The following UBE3A variants were observed in gnomAD, a reference collection of about 807,000 sequenced individuals.
UBE3A encodes ubiquitin protein ligase E3A.
Under a neutral mutation model 83.4 loss-of-function variants are expected in UBE3A, and 6 were observed. The observed-to-expected ratio is 0.07, with a 90% CI of 0.04 to 0.14. UBE3A has a LOEUF of 0.14. Ranked by LOEUF, UBE3A falls within the 10% of genes least tolerant of loss-of-function variation. UBE3A has a pLI of 1.00. For missense variants in UBE3A, 456 were observed against 1,036.1 expected (o/e 0.44, Z 7.69); for synonymous variants, 337 against 355.4 (o/e 0.95, Z 0.58).
At chr15:25,364,123 G>A (rs2078626715) in intron 6 of UBE3A, among the ~76,000 whole-genome samples, 1 of 151,908 alleles carries the variant, frequency 6.6e-6, no homozygotes. Flanking sequence ...CTACTTGGGA[G>A]GCTGAGGTGG....
chr15:25,402,044 C>A (rs1232819136), intron 4 of UBE3A, among the ~76,000 whole-genome samples: 1 of 152,160 alleles, frequency 6.6e-6, no homozygotes, highest in Non-Finnish European at 1.5e-5. Context: ...ATCTCCATTT[C>A]TTTATGGTTG....
chr15:25,359,100 T>C (rs2077632406), intron 7 of UBE3A, among the ~76,000 whole-genome samples: 1 of 152,192 alleles, frequency 6.6e-6, no homozygotes, highest in Admixed American at 6.5e-5. Flanking sequence ...CATAACCTCC[T>C]GGTAAAATAC....
At chr15:25,403,583 A>G (rs1031085707) in intron 4 of UBE3A, among the ~76,000 whole-genome samples, 2 of 152,148 alleles carry the variant, frequency 1.3e-5, no homozygotes, top group African/African-American at 4.8e-5. Flanking sequence ...TAAAATTACC[A>G]TATGATCCAA....
chr15:25,424,600 GT>G (rs1026427644), intron 1 of UBE3A, among the ~76,000 whole-genome samples: 3 of 152,090 alleles, frequency 2.0e-5, no homozygotes, highest in African/African-American at 7.2e-5. Flanking sequence ...TTCAAGAAAT[GT>G]TTACTAAGTG....
At chr15:25,434,941 G>A (rs1178998216) in intron 1 of UBE3A, among the ~76,000 whole-genome samples, 4 of 148,992 alleles carry the variant, frequency 2.7e-5, no homozygotes, top group South Asian at 2.1e-4. Flanking sequence ...GACAACTGCC[G>A]GAGTAAAAAT....
At chr15:25,343,586 A>C (rs1257580195) in intron 11 of UBE3A, among the ~76,000 whole-genome samples, 1 of 152,178 alleles carries the variant, frequency 6.6e-6, no homozygotes, top group Non-Finnish European at 1.5e-5. Flanking sequence ...GAATAAAATA[A>C]ACATAACTAA....
intron 1 of UBE3A, among the ~76,000 whole-genome samples, chr15:25,422,565 C>CA (rs1890135348): frequency 6.6e-6 from 1 of 152,022 alleles, no homozygotes; most frequent in Non-Finnish European, 1.5e-5. Context: ...CAAACCATGA[C>CA]AAATGCAATC....
chr15:25,381,943 A>G (rs949241994), intron 4 of UBE3A, among the ~76,000 whole-genome samples: 1 of 152,238 alleles, frequency 6.6e-6, no homozygotes, highest in Non-Finnish European at 1.5e-5. Flanking sequence ...TAAATATAGA[A>G]CAAGACGATT....
chr15:25,406,015 G>GT (rs1362528430), intron 3 of UBE3A, among the ~76,000 whole-genome samples: 1 of 152,174 alleles, frequency 6.6e-6, no homozygotes, highest in Non-Finnish European at 1.5e-5. Context: ...ATTCATTTAG[G>GT]TATCATCTAT....
intron 1 of UBE3A, among the ~76,000 whole-genome samples, chr15:25,416,341 G>T (rs1363216000): frequency 2.6e-5 from 4 of 152,098 alleles, no homozygotes; most frequent in African/African-American, 9.7e-5. Context: ...AATATACAGC[G>T]ACTATCATAA....
Position 25,339,969 on chromosome 15 carries a change from G to A in UBE3A, c.2498+116C>T, listed in dbSNP as rs971012681. 5 of 1,353,370 alleles carry A rather than the reference G, an allele frequency of 3.7e-6. No individual in the cohort carries two copies. In the African/African-American group the frequency reaches 7.2e-5, roughly 20 times the overall value. The allele number at this position is 1,353,370 out of a possible 1,614,324, so 83.8% of individuals were successfully genotyped here. A position where few individuals can be genotyped will look rare whatever the true frequency, so the allele number is the denominator to read the frequency against. ...TTCTCAATTGTCTAATATGATTTGG[G>A]GATTTGTATATAAAATCACGAATGT... On this transcript the variant is annotated intron_variant, in intron 12 of 12. Coordinates refer to ENST00000648336, the MANE Select transcript of UBE3A (RefSeq NM_130839.5).
intron 1 of UBE3A, among the ~76,000 whole-genome samples, chr15:25,416,460 A>G (rs1277000305): frequency 6.6e-6 from 1 of 152,132 alleles, no homozygotes; most frequent in African/African-American, 2.4e-5. Flanking sequence ...AGGCAAATCT[A>G]ATCTATGCTA....
chr15:25,381,919 G>A (rs12904041), intron 4 of UBE3A, among the ~76,000 whole-genome samples: 18,123 of 152,060 alleles, frequency 0.12, 1,159 homozygotes, highest in Middle Eastern at 0.23. Context: ...ACCATGAACC[G>A]AACAAAAACC....
In UBE3A at chr15:25,339,100, CCTTCCTTTTTTTTG is replaced by C; in HGVS notation, c.*23_*36del. On this transcript the variant is annotated 3_prime_UTR_variant, in exon 13 of 13. Coordinates refer to ENST00000648336, the MANE Select transcript of UBE3A (RefSeq NM_130839.5). ...TTTTTTAAATTTTTTCTTTTTTTTT[CCTTCCTTTTTTTTG>C]TTTTATTTTGTTTTGTTTTGTTTTA... is the stretch of plus-strand genomic sequence containing the variant. The C allele has an allele frequency of 2.8e-6, 4 of 1,445,788 alleles. No individual in the cohort carries two copies. Among genetic ancestry groups the C allele is most frequent in the Non-Finnish European group, 2.7e-6 (3 of 1,098,840 alleles). The allele number at this position is 1,445,788 out of a possible 1,614,324, so 89.6% of individuals were successfully genotyped here.
intron 1 of UBE3A, among the ~76,000 whole-genome samples, chr15:25,429,282 G>C (rs1892345052): frequency 6.6e-6 from 1 of 151,896 alleles, no homozygotes; most frequent in Non-Finnish European, 1.5e-5. Context: ...TGAACAGTTG[G>C]GGTTGTTAAA....
rs141561643 is a variant in UBE3A, at chr15:25,391,978, A to C, written c.62+13483T>G. 6.6e-5 allele frequency among the ~76,000 whole-genome samples: 10 copies of C among 152,176 alleles called. No individual in the cohort carries two copies. In the East Asian group the frequency reaches 1.9e-3, roughly 29 times the overall value. ...TGGCAGCAGATTTGGGAAAGAGTGA[A>C]GAAGAATAAGTTCAGGTAGCAGTCC... On this transcript the variant is annotated intron_variant, in intron 4 of 12. Transcript: ENST00000648336.
intron 1 of UBE3A, chr15:25,421,806 A>G (rs1889897302): frequency 6.6e-6 from 1 of 152,202 alleles, no homozygotes; most frequent in Non-Finnish European, 1.5e-5. Context: ...AAGACTGAGA[A>G]CATCAAATGC....
At chr15:25,406,596 T>G (rs886381187) in intron 3 of UBE3A, among the ~76,000 whole-genome samples, 17 of 152,028 alleles carry the variant, frequency 1.1e-4, no homozygotes, top group Admixed American at 7.2e-4. Flanking sequence ...AGCTAAATTT[T>G]CAAATTGGCA....
chr15:25,408,839 C>A, intron 3 of UBE3A: 2 of 802,296 alleles, frequency 2.5e-6, no homozygotes, highest in South Asian at 2.5e-5. Flanking sequence ...TGTTTAAAAC[C>A]TTGAAGTTTT....
Sources: allele counts gnomAD v4.1 joint callset (sites outside exome capture counted in the v4.1 genomes callset), GRCh38; gene constraint gnomAD v4.1.1; transcripts MANE v1.5; gene names NCBI Gene and HGNC (gene_info 2026-07-23, HGNC 2026-07-21).